The following DNAAF9 variants were observed in gnomAD, a reference collection of about 807,000 sequenced individuals.
DNAAF9 encodes dynein axonemal assembly factor 9, also known as shulin.
A neutral mutation model predicts 167.0 loss-of-function variants in DNAAF9; 90 were observed. The observed-to-expected ratio is 0.54, with a 90% CI of 0.45 to 0.64. The LOEUF is 0.64. DNAAF9 is among the 30% of genes least tolerant of loss of function. DNAAF9 has a pLI of 0.00. For synonymous variants in DNAAF9, 491 were observed against 508.8 expected, an observed-to-expected ratio of 0.96 and a Z score of 0.47; for missense variants, 1,315 against 1,442.2, an observed-to-expected ratio of 0.91 and a Z score of 1.43.
At chr20:3,352,802 A>G (rs6051779) in intron 7 of DNAAF9, among the ~76,000 whole-genome samples, 31,180 of 151,444 alleles carry the variant, frequency 0.21, 3,514 homozygotes, top group African/African-American at 0.28. Flanking sequence ...ATTGCAATGG[A>G]TATCAACACA....
intron 9 of DNAAF9, 54 bp downstream of exon 9, chr20:3,343,622 C>CA: frequency 6.9e-7 from 1 of 1,442,026 alleles, no homozygotes; most frequent in East Asian, 2.3e-5. Flanking sequence ...ACCCCTTTGC[C>CA]ACCTCCATTT....
rs34396355 is a variant in DNAAF9 at position 3,391,578 on chromosome 20, C to CTTTTTT, written c.84-9078_84-9073dup. Among the ~76,000 whole-genome samples the CTTTTTT allele has an allele frequency of 7.4e-5, 9 of 120,936 alleles. 1 individual carries two copies. Among genetic ancestry groups the CTTTTTT allele is most frequent in the South Asian group, 2.6e-4 (1 of 3,806 alleles). 79.3% of individuals were successfully genotyped at this position (120,936 alleles called of 152,430 possible). On this transcript the variant is annotated intron_variant, in intron 1 of 36. Transcript: ENST00000252032. ...TGTATCCAGCCAGTCTTTTTTCCTT[C>CTTTTTT]TTTTTTTTTTTTTTTTTTTGAGACA...
chr20:3,406,354 G>A (rs551930197), intron 1 of DNAAF9, among the ~76,000 whole-genome samples: 9 of 152,164 alleles, frequency 5.9e-5, no homozygotes, highest in Non-Finnish European at 7.4e-5. Flanking sequence ...TCCTTTCAAG[G>A]GAACAATATA....
chr20:3,272,569 C>T (rs2068612460), intron 29 of DNAAF9, among the ~76,000 whole-genome samples: 2 of 152,144 alleles, frequency 1.3e-5, no homozygotes, highest in Admixed American at 1.3e-4. Flanking sequence ...ACTTTTATAT[C>T]TTTAAAGAGT....
chr20:3,385,475 T>C (rs1433713835), intron 1 of DNAAF9, among the ~76,000 whole-genome samples: 1 of 152,070 alleles, frequency 6.6e-6, no homozygotes, highest in African/African-American at 2.4e-5. Flanking sequence ...TGGAGTGCAG[T>C]GGTGTGATCA....
intron 31 of DNAAF9, among the ~76,000 whole-genome samples, chr20:3,264,082 G>A (rs1331106023): frequency 2.0e-5 from 3 of 151,404 alleles, no homozygotes; most frequent in East Asian, 1.9e-4. Context: ...ACTGACTGAC[G>A]GTATTGTCAG....
Position 3,283,311 on chromosome 20 carries a change from C to A in DNAAF9, c.2487-1545G>T, listed in dbSNP as rs565127676. On this transcript the variant is annotated intron_variant, in intron 27 of 36. Transcript: ENST00000252032. ...TGCTTGAGTTGTTCTTGAGTTCCTACGAACAACTCATCTGTAAAAAGGCCC... is the reference window on the plus strand; with the variant it reads ...TGCTTGAGTTGTTCTTGAGTTCCTAAGAACAACTCATCTGTAAAAAGGCCC... 8.5e-5 allele frequency among the ~76,000 whole-genome samples: 13 copies of A among 152,316 alleles called. No homozygotes were observed. The South Asian group carries it at 2.7e-3, about 32-fold the overall frequency.
At chr20:3,355,543 C>T (rs2083272845) in intron 7 of DNAAF9, among the ~76,000 whole-genome samples, 1 of 119,286 alleles carries the variant, frequency 8.4e-6, no homozygotes, top group South Asian at 3.3e-4. Context: ...CACTGCACTC[C>T]AGCCTGGGTG....
chr20:3,336,252 G>GTTTT lies in DNAAF9; in HGVS notation c.982-3895_982-3892dup, dbSNP rs1178750984. On this transcript the variant is annotated intron_variant, in intron 10 of 36. Coordinates refer to ENST00000252032, the MANE Select transcript of DNAAF9 (RefSeq NM_001009984.3). ...TGATTTTGCAGATTCACAGTTTTGCGTTTTTGTTTTTTTTTTTTTTTTTGC... is the reference window on the plus strand; with the variant it reads ...TGATTTTGCAGATTCACAGTTTTGCGTTTTTTTTTGTTTTTTTTTTTTTTTTTGC... 1.4e-3 allele frequency among the ~76,000 whole-genome samples: 111 copies of GTTTT among 81,388 alleles called. 2 individuals are homozygous for GTTTT. Among genetic ancestry groups the GTTTT allele is most frequent in the East Asian group, 3.7e-3 (11 of 2,986 alleles). 53.4% of individuals were successfully genotyped at this position (81,388 alleles called of 152,430 possible).
Position 3,376,205 on chromosome 20 carries a change from C to G in DNAAF9, c.381G>C (p.Leu127=). 6.2e-7 allele frequency: 1 copy of G among 1,613,824 alleles called. No individual in the cohort carries two copies. The highest frequency in any genetic ancestry group is 8.5e-7 in the Non-Finnish European group (1 of 1,179,916). Reference sequence around the variant, plus strand: ...CATTTTCGGTCATGCAGTGGAAATGCAGATTTCTCCAATGTGCCACATAAG... The same window carrying G: ...CATTTTCGGTCATGCAGTGGAAATGGAGATTTCTCCAATGTGCCACATAAG... ...LLPYVAHWRN[L]HFHCMTENEY... The change falls in exon 4 of 37, where the codon CTG becomes CTC. Residue 127 remains leucine, a synonymous_variant. Transcript: ENST00000252032.
chr20:3,300,354 C>A (rs1378235985), intron 21 of DNAAF9, among the ~76,000 whole-genome samples: 2 of 151,940 alleles, frequency 1.3e-5, no homozygotes, highest in Non-Finnish European at 2.9e-5. Context: ...TTTAATTTTT[C>A]TGCAATATTT....
chr20:3,357,571 G>A (rs1490215610), intron 7 of DNAAF9, among the ~76,000 whole-genome samples: 1 of 152,130 alleles, frequency 6.6e-6, no homozygotes, highest in Non-Finnish European at 1.5e-5. Context: ...CTCTGACCAT[G>A]TTCAGTAATA....
intron 3 of DNAAF9, among the ~76,000 whole-genome samples, chr20:3,379,231 TATC>T (rs1282675686): frequency 6.6e-6 from 1 of 151,952 alleles, no homozygotes; most frequent in African/African-American, 2.4e-5. Flanking sequence ...ACTCTGGTGT[TATC>T]ACTATGAACC....
chr20:3,380,129 G>A (rs898225640), intron 3 of DNAAF9, among the ~76,000 whole-genome samples: 1 of 152,140 alleles, frequency 6.6e-6, no homozygotes, highest in Admixed American at 6.5e-5. Flanking sequence ...CTTAATTTCA[G>A]TACTGTAATG....
At chr20:3,390,372 T>C (rs961679325) in intron 1 of DNAAF9, among the ~76,000 whole-genome samples, 7 of 124,398 alleles carry the variant, frequency 5.6e-5, no homozygotes, top group African/African-American at 2.5e-4. Context: ...ATTCTCTCAC[T>C]TTTTTTTTTT....
chr20:3,288,965 C>G (rs2068901657), intron 26 of DNAAF9, among the ~76,000 whole-genome samples: 1 of 152,080 alleles, frequency 6.6e-6, no homozygotes, highest in African/African-American at 2.4e-5. Context: ...ACAATGCTCT[C>G]CCCTAGATAG....
At chr20:3,399,260 C>T (rs933505043) in intron 1 of DNAAF9, among the ~76,000 whole-genome samples, 11 of 151,840 alleles carry the variant, frequency 7.2e-5, no homozygotes, top group Non-Finnish European at 1.2e-4. Context: ...ACTCTGTCAC[C>T]CAGGCTGGAG....
At chr20:3,280,858 C>T (rs577660021) in intron 28 of DNAAF9, among the ~76,000 whole-genome samples, 90 of 152,210 alleles carry the variant, frequency 5.9e-4, no homozygotes, top group African/African-American at 2.1e-3. Context: ...AAGCATCCTC[C>T]AACCTTCCAT....
At chr20:3,321,937 T>C (rs2069623387) in intron 16 of DNAAF9, among the ~76,000 whole-genome samples, 1 of 152,174 alleles carries the variant, frequency 6.6e-6, no homozygotes, top group South Asian at 2.1e-4. Context: ...GAAGGCTTCA[T>C]AACCCAGAAA....
Sources: gnomAD v4.1 joint callset for allele counts (sites outside exome capture counted in the v4.1 genomes callset) on GRCh38, gnomAD v4.1.1 for gene constraint, MANE v1.5 for transcripts, NCBI Gene and HGNC (gene_info 2026-07-23, HGNC 2026-07-21) for gene names.